RUFY2: variants seen among roughly 807,000 people sequenced by gnomAD.
The protein encoded by RUFY2 is RUN and FYVE domain-containing protein 2.
RUFY2 carries 49 observed loss-of-function variants against 94.4 expected under a neutral mutation model. The ratio of observed to expected loss-of-function variants is 0.52; its 90% CI spans 0.41 to 0.66. The LOEUF (loss-of-function observed/expected upper bound fraction) is 0.66. Among genes scored for constraint, RUFY2 ranks in the 30% least tolerant of loss-of-function variants. RUFY2 has a pLI of 0.00. For synonymous variants in RUFY2, 255 were observed against 235.7 expected (o/e 1.08, Z -0.75); for missense variants, 541 against 692.8 (o/e 0.78, Z 2.46).
chr10:68,393,662 G>A (rs2050166120), intron 6 of RUFY2: 1 of 191,128 alleles, frequency 5.2e-6, no homozygotes. Context: ...CCAGGAGGCG[G>A]AGGTTGCAGT....
At chr10:68,351,503 G>T (rs1326148244) in intron 16 of RUFY2, among the ~76,000 whole-genome samples, 1 of 143,346 alleles carries the variant, frequency 7.0e-6, no homozygotes, top group Non-Finnish European at 1.5e-5. Context: ...AGGCGGGAGT[G>T]CAGTGGTGCA....
At chr10:68,360,515 G>A (rs1303840608) in intron 15 of RUFY2, among the ~76,000 whole-genome samples, 1 of 151,826 alleles carries the variant, frequency 6.6e-6, no homozygotes, top group Non-Finnish European at 1.5e-5. Context: ...AGGCCGAGGC[G>A]GGCAGATCAC....
chr10:68,381,311 T>C lies in RUFY2; in HGVS notation c.1028A>G (p.Lys343Arg), dbSNP rs775654540. 1.2e-6 allele frequency: 2 copies of C among 1,614,036 alleles called. No individual in the cohort carries two copies. The highest frequency in any genetic ancestry group is 1.7e-6 in the Non-Finnish European group (2 of 1,179,938). The part of the protein sequence containing the change: ...MKLLEKDIHE[K>R]QDTLIGLRQQ... ...TCGAAGGCCTATCAGAGTATCTTGT[T>C]TCTCATGGATATCTTTCTCCAGCAA... is the stretch of plus-strand genomic sequence containing the variant. Residue 343 changes from lysine to arginine, a missense_variant, in exon 11 of 18, where the codon AAA becomes AGA. Lys to Arg is a conservative substitution (Grantham distance 26, BLOSUM62 2). Transcript: ENST00000602465.
At chr10:68,407,002 G>T (rs1172515581) in intron 1 of RUFY2, 184 bp downstream of exon 1, 3 of 1,502,632 alleles carry the variant, frequency 2.0e-6, no homozygotes, top group Non-Finnish European at 2.7e-6. Context: ...AAGGGAGGGG[G>T]CGCGTTGCCA....
In RUFY2 at chr10:68,344,092, AT is replaced by A. The variant is rs1037002728; in HGVS notation, c.*1675del. On this transcript the variant is annotated 3_prime_UTR_variant, in exon 18 of 18. Coordinates refer to ENST00000602465, the MANE Select transcript of RUFY2 (RefSeq NM_001330103.2). ...AAGAATATAATCCTCTCTTGAGGAC[AT>A]TTCTGTCAGTATTCAAGAAAGACCA... is the stretch of plus-strand genomic sequence containing the variant. 23 of 152,332 alleles carry A rather than the reference AT, an allele frequency of 1.5e-4. No homozygotes were observed. The highest frequency in any genetic ancestry group is 5.5e-4 in the African/African-American group (23 of 41,578). The allele number at this position is 152,332 out of a possible 1,614,324, so 9.4% of individuals were successfully genotyped here. A position where few individuals can be genotyped will look rare whatever the true frequency, so the allele number is the denominator to read the frequency against.
intron 11 of RUFY2, among the ~76,000 whole-genome samples, chr10:68,380,199 C>T (rs1250528769): frequency 6.6e-6 from 1 of 151,666 alleles, no homozygotes; most frequent in Non-Finnish European, 1.5e-5. Context: ...CTCGGCCTCC[C>T]TAAGTGCTAG....
At position 68,407,237 on chromosome 10, in the gene RUFY2, C is replaced by A; in HGVS notation, c.-48G>T. The A allele has an allele frequency of 7.5e-7, 1 of 1,326,102 alleles. No homozygotes were observed. The highest frequency in any genetic ancestry group is 1.9e-5 in the South Asian group (1 of 51,784). The allele number at this position is 1,326,102 out of a possible 1,614,324, so 82.1% of individuals were successfully genotyped here. A position where few individuals can be genotyped will look rare whatever the true frequency, so the allele number is the denominator to read the frequency against. ...CGGGCGGAGGCTCCCTCGGCCTGTCCAGCAGCTCCTTCCAGGCGCTCGGCG... is the reference window on the plus strand; with the variant it reads ...CGGGCGGAGGCTCCCTCGGCCTGTCAAGCAGCTCCTTCCAGGCGCTCGGCG... On this transcript the variant is annotated 5_prime_UTR_variant, in exon 1 of 18. Coordinates refer to ENST00000602465, the MANE Select transcript of RUFY2 (RefSeq NM_001330103.2).
intron 7 of RUFY2, among the ~76,000 whole-genome samples, chr10:68,392,798 C>T (rs895446926): frequency 1.3e-5 from 2 of 150,570 alleles, no homozygotes; most frequent in African/African-American, 2.4e-5. Flanking sequence ...TGTGGTGGTG[C>T]GCGCCTATAG....
In RUFY2 at chr10:68,376,952, G is replaced by A. The variant is rs766666017; in HGVS notation, c.1226C>T (p.Ala409Val). 1.5e-5 allele frequency: 25 copies of A among 1,613,166 alleles called. No homozygotes were observed. The East Asian group carries it at 1.8e-4, about 12-fold the overall frequency. Residue 409 changes from alanine to valine, a missense_variant, in exon 13 of 18, where the codon GCG (alanine) becomes GTG (valine). Physicochemically the swap from Ala to Val is moderately conservative, Grantham distance 64. This residue lies in a region of RUFY2 where 403 missense variants were observed against 480.7 expected (regional missense o/e 0.84). Transcript: ENST00000602465. ...ATCCTCATCTTCAGCTTCCATTTGC[G>A]CCTTCTCTGCTTGCTGCAATCTGGT... is the stretch of plus-strand genomic sequence containing the variant. ...LEQRLQQAEKAQMEAEDEDEK... is the reference protein window; with the variant it reads ...LEQRLQQAEKVQMEAEDEDEK...
chr10:68,407,170 G>T lies in RUFY2; in HGVS notation c.4+16C>A. On this transcript the variant is annotated intron_variant, in intron 1 of 17. Transcript: ENST00000602465. Reference sequence around the variant, plus strand: ...GACTGAGGGCCTAGCGTTCGGTTTCGGCCCGCTCGCCTTACCCATGGCGGC... The same window carrying T: ...GACTGAGGGCCTAGCGTTCGGTTTCTGCCCGCTCGCCTTACCCATGGCGGC... 4 of 1,462,750 alleles carry T rather than the reference G, an allele frequency of 2.7e-6. No individual in the cohort carries two copies. The highest frequency in any genetic ancestry group is 1.3e-5 in the South Asian group (1 of 74,682). 90.6% of individuals were successfully genotyped at this position (1,462,750 alleles called of 1,614,324 possible). A position where few individuals can be genotyped will look rare whatever the true frequency, so the allele number is the denominator to read the frequency against.
At chr10:68,347,603 C>T (rs750860848) in intron 16 of RUFY2, among the ~76,000 whole-genome samples, 7 of 152,168 alleles carry the variant, frequency 4.6e-5, no homozygotes, top group Non-Finnish European at 1.0e-4. Flanking sequence ...CATTGTTAAC[C>T]AGCTTGCTTA....
At chr10:68,341,448 T>C, downstream of RUFY2, 2 of 1,029,956 alleles carry the variant, frequency 1.9e-6, no homozygotes, top group South Asian at 2.9e-5. Context: ...TCTGTGGGCT[T>C]TATATATCGC....
chr10:68,395,582 C>T (rs1253656937), intron 4 of RUFY2, among the ~76,000 whole-genome samples: 1 of 152,082 alleles, frequency 6.6e-6, no homozygotes, highest in African/African-American at 2.4e-5. Context: ...AGATAATCAT[C>T]AATTAAAGAC....
intron 1 of RUFY2, 159 bp downstream of exon 1, chr10:68,407,027 G>GC: frequency 2.0e-6 from 3 of 1,486,000 alleles, no homozygotes; most frequent in Non-Finnish European, 2.7e-6. Flanking sequence ...GACCCCGGGA[G>GC]CCCCCGAGTC....
chr10:68,377,221 G>T (rs2048737470), intron 12 of RUFY2: 8 of 1,324,708 alleles, frequency 6.0e-6, no homozygotes, highest in Non-Finnish European at 5.8e-6. Context: ...TTTATTTCTT[G>T]TTCATAATTA....
chr10:68,342,119 T>A, downstream of RUFY2: 1 of 1,125,478 alleles, frequency 8.9e-7, no homozygotes, highest in Non-Finnish European at 1.3e-6. Flanking sequence ...TCTTACAGAT[T>A]TAATTTCTTT....
At chr10:68,394,695 T>C (rs1348361221) in intron 4 of RUFY2, among the ~76,000 whole-genome samples, 1 of 151,898 alleles carries the variant, frequency 6.6e-6, no homozygotes, top group African/African-American at 2.4e-5. Context: ...AGTGGCACTA[T>C]CTTGGCTCAC....
At chr10:68,402,885 T>TCCCTGAC (rs1554897345) in intron 2 of RUFY2, among the ~76,000 whole-genome samples, 2 of 136,556 alleles carry the variant, frequency 1.5e-5, no homozygotes, top group African/African-American at 5.6e-5. Flanking sequence ...ACTCTGTGTC[T>TCCCTGAC]CCCAGACTGG....
chr10:68,392,669 T>C (rs896996422), intron 7 of RUFY2, among the ~76,000 whole-genome samples: 5 of 151,590 alleles, frequency 3.3e-5, no homozygotes. Flanking sequence ...ACGCCTGTAA[T>C]CTCAGCACTT....
Sources: gnomAD v4.1 joint callset for allele counts (sites outside exome capture counted in the v4.1 genomes callset) on GRCh38, gnomAD v4.1.1 for gene constraint, gnomAD v4.1.1 regional missense constraint, MANE v1.5 for transcripts, NCBI Gene and HGNC (gene_info 2026-07-23, HGNC 2026-07-21) for gene names.